The following CSF3 variants were observed in gnomAD, a reference collection of about 807,000 sequenced individuals.
CSF3 encodes the protein granulocyte colony-stimulating factor.
CSF3 carries 17 observed loss-of-function variants against 20.2 expected under a neutral mutation model. The ratio of observed to expected loss-of-function variants is 0.84; its 90% CI spans 0.58 to 1.26. The LOEUF (loss-of-function observed/expected upper bound fraction) is 1.26. CSF3 is among the 50% of genes most tolerant of loss of function. The pLI is 0.00. For synonymous variants in CSF3, 125 were observed against 115.3 expected, an observed-to-expected ratio of 1.08 and a Z score of -0.54; for missense variants, 210 against 256.0, an observed-to-expected ratio of 0.82 and a Z score of 1.23.
Position 40,017,589 on chromosome 17 carries a change from G to T in CSF3, c.*630G>T. 6.6e-6 allele frequency: 1 copy of T among 152,502 alleles called. No individual in the cohort carries two copies. 9.4% of individuals were successfully genotyped at this position (152,502 alleles called of 1,614,324 possible). On this transcript the variant is annotated 3_prime_UTR_variant, in exon 5 of 5. Coordinates refer to ENST00000394149, the MANE Select transcript of CSF3 (RefSeq NM_172219.3). The stretch of plus-strand genomic sequence containing the variant: ...CGGGACACCTGCCCTGCCCCCACGA[G>T]GGTCAGGACTGTGACTCTTTTTAGG...
chr17:40,016,145 AG>A (rs1981368222), intron 2 of CSF3, 87 bp from the exon 3 acceptor site: 1 of 1,043,204 alleles, frequency 9.6e-7, no homozygotes, highest in African/African-American at 1.6e-5. Context: ...ACATGGAGGG[AG>A]GGGAAAGACC....
chr17:40,016,171 G>T, intron 2 of CSF3, 62 bp from the exon 3 acceptor site: 1 of 1,285,006 alleles, frequency 7.8e-7, no homozygotes, highest in South Asian at 1.4e-5. Context: ...AGTCGGGGAG[G>T]ACCCGGGAAG....
At chr17:40,016,139 G>A (rs1253261588) in intron 2 of CSF3, 94 bp from the exon 3 acceptor site, 13 of 1,013,962 alleles carry the variant, frequency 1.3e-5, no homozygotes, top group Non-Finnish European at 1.9e-5. Flanking sequence ...GGCAGGACAT[G>A]GAGGGAGGGG....
chr17:40,015,591 G>A (rs1294907107), intron 1 of CSF3, 77 bp downstream of exon 1: 1 of 1,547,756 alleles, frequency 6.5e-7, no homozygotes. Context: ...AGGGGCTGGG[G>A]ATCCCCGTTC....
At position 40,016,587 on chromosome 17, in the gene CSF3, C is replaced by T. The variant is rs371912793; in HGVS notation, c.406C>T (p.Leu136=). 45 of 1,614,110 alleles carry T rather than the reference C, an allele frequency of 2.8e-5. No individual in the cohort carries two copies. Among genetic ancestry groups the T allele is most frequent in the Non-Finnish European group, 3.2e-5 (38 of 1,180,040 alleles). The part of the protein sequence containing the change: ...SPELGPTLDT[L]QLDVADFATT... ...CGAGTTGGGTCCCACCTTGGACACA[C>T]TGCAGCTGGACGTCGCCGACTTTGC... is the stretch of plus-strand genomic sequence containing the variant. Residue 136 remains leucine, a synonymous_variant, in exon 4 of 5, where the codon CTG becomes TTG. Transcript: ENST00000394149.
intron 1 of CSF3, 60 bp from the exon 2 acceptor site, chr17:40,015,631 C>T (rs941043471): frequency 2.6e-6 from 4 of 1,545,234 alleles, no homozygotes; most frequent in African/African-American, 2.7e-5. Flanking sequence ...CACCCAGTGT[C>T]CCCGAGAGGG....
At position 40,016,358 on chromosome 17, in the gene CSF3, A is replaced by G. The variant is rs370309547; in HGVS notation, c.303+18A>G. On this transcript the variant is annotated intron_variant, in intron 3 of 4. Transcript: ENST00000394149. ...TGCAGCTGGTGAGTGTCAGGAAAGG[A>G]TAAGGCTAATGAGGAGGGGGAAGGA... 5.6e-6 allele frequency: 9 copies of G among 1,611,254 alleles called. No individual in the cohort carries two copies. Among genetic ancestry groups the G allele is most frequent in the Non-Finnish European group, 7.6e-6 (9 of 1,178,276 alleles).
intron 2 of CSF3, 22 bp from the exon 3 acceptor site, chr17:40,016,211 C>T: frequency 6.6e-7 from 1 of 1,514,282 alleles, no homozygotes; most frequent in Non-Finnish European, 8.9e-7. Flanking sequence ...GCGAGTCTCA[C>T]TCAGCATCCT....
At position 40,015,719 on chromosome 17, in the gene CSF3, A is replaced by T. The variant is rs954240925; in HGVS notation, c.69A>T (p.Ala23=). ...MALQLLLWHS[A]LWTVQEATPL... ...TGCAGCTGCTGCTGTGGCACAGTGCACTCTGGACAGTGCAGGAAGCCACCC... is the reference window on the plus strand; with the variant it reads ...TGCAGCTGCTGCTGTGGCACAGTGCTCTCTGGACAGTGCAGGAAGCCACCC... Residue 23 remains alanine, a synonymous_variant, in exon 2 of 5, where the codon GCA becomes GCT. Coordinates refer to ENST00000394149, the MANE Select transcript of CSF3 (RefSeq NM_172219.3). The T allele has an allele frequency of 6.3e-7, 1 of 1,595,224 alleles. No individual in the cohort carries two copies.
chr17:40,017,185 C>T lies in CSF3; in HGVS notation c.*226C>T, dbSNP rs1158947336. ...AAATACCAAGTATTTATTACTATGA[C>T]TGCTCCCCAGCCCTGGCTCTGCAAT... On this transcript the variant is annotated 3_prime_UTR_variant, in exon 5 of 5. Transcript: ENST00000394149. The T allele has an allele frequency of 2.3e-6, 1 of 441,284 alleles. No homozygotes were observed. The allele number at this position is 441,284 out of a possible 1,614,324, so 27.3% of individuals were successfully genotyped here.
chr17:40,015,547 C>T lies in CSF3; in HGVS notation c.40+33C>T, dbSNP rs542792312. Reference sequence around the variant, plus strand: ...TCTTGGCCCAGGATGGGAGAGCCGCCTGCCCTGGCATGGGAGGGAGGCTGG... The same window carrying T: ...TCTTGGCCCAGGATGGGAGAGCCGCTTGCCCTGGCATGGGAGGGAGGCTGG... On this transcript the variant is annotated intron_variant, in intron 1 of 4. Transcript: ENST00000394149. The T allele has an allele frequency of 1.3e-4, 195 of 1,550,746 alleles. 1 individual carries two copies. The South Asian group carries it at 2.0e-3, about 16-fold the overall frequency.
Position 40,015,672 on chromosome 17 carries a change from G to C in CSF3, c.41-19G>C. ...GGTGGTAGGGAACAGCATGTCTCCT[G>C]AGCCCGCTCTGTCCCCAGCCCTGCA... On this transcript the variant is annotated intron_variant, in intron 1 of 4. Transcript: ENST00000394149. 2 of 1,569,364 alleles carry C rather than the reference G, an allele frequency of 1.3e-6. No individual in the cohort carries two copies. Among genetic ancestry groups the C allele is most frequent in the South Asian group, 2.3e-5 (2 of 86,260 alleles).
chr17:40,015,963 A>C, intron 2 of CSF3, 118 bp downstream of exon 2: 1 of 1,406,846 alleles, frequency 7.1e-7, no homozygotes, highest in Non-Finnish European at 9.5e-7. Context: ...GGAGCAGTGG[A>C]GCTGGGGAAG....
chr17:40,016,441 G>A (rs374065088), intron 3 of CSF3, 44 bp from the exon 4 acceptor site: 455 of 1,610,102 alleles, frequency 2.8e-4, no homozygotes, highest in Non-Finnish European at 3.2e-4. Flanking sequence ...GGGGCCTGAC[G>A]TATCTCAGGC....
At position 40,016,857 on chromosome 17, in the gene CSF3, C is replaced by G; in HGVS notation, c.513C>G (p.Ala171=). The G allele has an allele frequency of 6.2e-7, 1 of 1,613,572 alleles. No homozygotes were observed. Among genetic ancestry groups the G allele is most frequent in the Non-Finnish European group, 8.5e-7 (1 of 1,180,022 alleles). The stretch of plus-strand genomic sequence containing the variant: ...CCCAGGGTGCCATGCCGGCCTTCGC[C>G]TCTGCTTTCCAGCGCCGGGCAGGAG... ...QPTQGAMPAF[A]SAFQRRAGGV... Residue 171 remains alanine, a synonymous_variant, in exon 5 of 5, where the codon GCC becomes GCG. Transcript: ENST00000394149.
chr17:40,016,343 GAGTGTC>G lies in CSF3; in HGVS notation c.303+6_303+11del. 1 of 1,612,398 alleles carries G rather than the reference GAGTGTC, an allele frequency of 6.2e-7. No individual in the cohort carries two copies. Among genetic ancestry groups the G allele is most frequent in the Non-Finnish European group, 8.5e-7 (1 of 1,178,960 alleles). On this transcript the variant is annotated splice_donor_5th_base_variant and intron_variant, in intron 3 of 4. Coordinates refer to ENST00000394149, the MANE Select transcript of CSF3 (RefSeq NM_172219.3). ...GCCCCAGCCAGGCCCTGCAGCTGGTGAGTGTCAGGAAAGGATAAGGCTAATGAGGAG... is the reference window on the plus strand; with the variant it reads ...GCCCCAGCCAGGCCCTGCAGCTGGTGAGGAAAGGATAAGGCTAATGAGGAG...
chr17:40,015,448 G>A lies in CSF3; in HGVS notation c.-27G>A. 6.5e-7 allele frequency: 1 copy of A among 1,548,578 alleles called. No homozygotes were observed. Among genetic ancestry groups the A allele is most frequent in the Non-Finnish European group, 8.7e-7 (1 of 1,145,726 alleles). On this transcript the variant is annotated 5_prime_UTR_variant, in exon 1 of 5. Transcript: ENST00000394149. ...GAGCTGGGCCCCAAAACAGCCCGGA[G>A]CCTGCAGCCCAGCCCCACCCAGACC...
intron 2 of CSF3, 60 bp from the exon 3 acceptor site, chr17:40,016,173 C>A (rs1981370411): frequency 7.6e-7 from 1 of 1,316,550 alleles, no homozygotes; most frequent in Non-Finnish European, 1.0e-6. Flanking sequence ...TCGGGGAGGA[C>A]CCGGGAAGGA....
In CSF3 at chr17:40,017,194, A is replaced by AATGG. The variant is rs1465222602; in HGVS notation, c.*235_*236insATGG. 2.5e-6 allele frequency: 1 copy of AATGG among 405,592 alleles called. No individual in the cohort carries two copies. Among genetic ancestry groups the AATGG allele is most frequent in the Non-Finnish European group, 4.3e-6 (1 of 230,180 alleles). 25.1% of individuals were successfully genotyped at this position (405,592 alleles called of 1,614,324 possible). A position where few individuals can be genotyped will look rare whatever the true frequency, so the allele number is the denominator to read the frequency against. ...GTATTTATTACTATGACTGCTCCCC[A>AATGG]GCCCTGGCTCTGCAATGGGCACTGG... On this transcript the variant is annotated 3_prime_UTR_variant, in exon 5 of 5. Transcript: ENST00000394149.
Sources: allele counts gnomAD v4.1 joint callset, GRCh38; gene constraint gnomAD v4.1.1; transcripts MANE v1.5; gene names NCBI Gene and HGNC (gene_info 2026-07-23, HGNC 2026-07-21).